The following PRDM16 variants were observed in gnomAD, a reference collection of about 807,000 sequenced individuals.
PRDM16 encodes the protein histone-lysine N-methyltransferase PRDM16.
Under a neutral mutation model 110.6 loss-of-function variants are expected in PRDM16, and 23 were observed. The observed-to-expected ratio is 0.21, with a 90% CI of 0.15 to 0.29. PRDM16 has a LOEUF of 0.29. Ranked by LOEUF, PRDM16 falls within the 10% of genes least tolerant of loss-of-function variation. PRDM16 has a pLI of 1.00. For synonymous variants in PRDM16, 799 were observed against 781.8 expected (o/e 1.02, Z -0.37); for missense variants, 1,615 against 1,794.3 (o/e 0.90, Z 1.81).
rs181778997 is a variant in PRDM16 at position 3,256,027 on chromosome 1, C to T, written c.438+11890C>T. 5.3e-5 allele frequency among the ~76,000 whole-genome samples: 8 copies of T among 152,302 alleles called. No individual in the cohort carries two copies. In the South Asian group the frequency reaches 6.2e-4, roughly 12 times the overall value. On this transcript the variant is annotated intron_variant, in intron 3 of 16. Transcript: ENST00000270722. ...GAGCAGGTATGTGGCACAGTGACAG[C>T]GCCTCACCTGGGACTGGGACTGGAG...
At position 3,436,573 on chromosome 1, in the gene PRDM16, T is replaced by C; in HGVS notation, c.*2762T>C. Reference sequence around the variant, plus strand: ...AGGCAGCACTTATTTCCTGGGCTGGTGCGCCCCAAAACACGGCCCCGACAC... The same window carrying C: ...AGGCAGCACTTATTTCCTGGGCTGGCGCGCCCCAAAACACGGCCCCGACAC... On this transcript the variant is annotated 3_prime_UTR_variant, in exon 17 of 17. Transcript: ENST00000270722. The C allele has an allele frequency of 4.3e-6, 1 of 231,872 alleles. No homozygotes were observed. The highest frequency in any genetic ancestry group is 8.5e-6 in the Non-Finnish European group (1 of 117,198). The allele number at this position is 231,872 out of a possible 1,614,324, so 14.4% of individuals were successfully genotyped here.
chr1:3,408,606 G>A (rs1182114175), intron 8 of PRDM16, among the ~76,000 whole-genome samples: 1 of 151,156 alleles, frequency 6.6e-6, no homozygotes, highest in Non-Finnish European at 1.5e-5. Context: ...GTGAGCTGGT[G>A]TGTGTGTGAG....
chr1:3,151,206 G>A (rs1178645572), intron 1 of PRDM16, among the ~76,000 whole-genome samples: 2 of 152,194 alleles, frequency 1.3e-5, no homozygotes, highest in East Asian at 3.9e-4. Flanking sequence ...GGGCATGGGG[G>A]CAGGGCCCTG....
At chr1:3,375,409 G>T (rs1207596338) in intron 3 of PRDM16, among the ~76,000 whole-genome samples, 1 of 152,238 alleles carries the variant, frequency 6.6e-6, no homozygotes, top group African/African-American at 2.4e-5. Flanking sequence ...GCAAGAACCT[G>T]GGTCTGAGTC....
At chr1:3,073,902 G>T (rs1385674994) in intron 1 of PRDM16, among the ~76,000 whole-genome samples, 1 of 152,134 alleles carries the variant, frequency 6.6e-6, no homozygotes, top group African/African-American at 2.4e-5. Flanking sequence ...CCCAACCGCC[G>T]ACCCTCGACC....
In PRDM16 at chr1:3,432,132, A is replaced by G. The variant is rs1283739573; in HGVS notation, c.3688A>G (p.Lys1230Glu). The change falls in exon 16 of 17, where the codon AAG becomes GAG. Residue 1230 changes from lysine to glutamate, a missense_variant. Coordinates refer to ENST00000270722, the MANE Select transcript of PRDM16 (RefSeq NM_022114.4). ...ALKHTLCRQA[K>E]NQAYAMMLSL... ...AAAACATACACTGTGCAGGCAGGCT[A>G]AGAACCAGGTAGGTACCCGCCAGAG... The G allele has an allele frequency of 1.2e-6, 2 of 1,613,276 alleles. No homozygotes were observed.
At position 3,143,268 on chromosome 1, in the gene PRDM16, G is replaced by A. The variant is rs1289601263; in HGVS notation, c.38-42857G>A. Reference sequence around the variant, plus strand: ...ACCCCTGGGTGTGCGGGACCGTGCCGGGAAGTGTGGACATGGGTCCGGGCT... The same window carrying A: ...ACCCCTGGGTGTGCGGGACCGTGCCAGGAAGTGTGGACATGGGTCCGGGCT... On this transcript the variant is annotated intron_variant, in intron 1 of 16. Transcript: ENST00000270722. This position sits in a 1 kb window ranked among gnomAD's most constrained non-coding sequence, Gnocchi z 4.5. Among the ~76,000 whole-genome samples, 1 of 152,072 alleles carries A rather than the reference G, an allele frequency of 6.6e-6. No individual in the cohort carries two copies. Among genetic ancestry groups the A allele is most frequent in the Non-Finnish European group, 1.5e-5 (1 of 68,032 alleles).
intron 2 of PRDM16, among the ~76,000 whole-genome samples, chr1:3,231,485 C>T (rs563708506): frequency 6.6e-6 from 1 of 152,230 alleles, no homozygotes; most frequent in Non-Finnish European, 1.5e-5. Context: ...ATGAGGGCGT[C>T]GAGGCTGCTC....
chr1:3,279,418 G>A (rs551486368), intron 3 of PRDM16, among the ~76,000 whole-genome samples: 2 of 152,354 alleles, frequency 1.3e-5, no homozygotes, highest in East Asian at 1.9e-4. Flanking sequence ...CGCTCCGGGC[G>A]AGGGACCAAG....
chr1:3,156,103 A>T (rs1643855319), intron 1 of PRDM16, among the ~76,000 whole-genome samples: 1 of 152,220 alleles, frequency 6.6e-6, no homozygotes, highest in Non-Finnish European at 1.5e-5. Context: ...AAGGAAAGAC[A>T]GAGGAGATGA....
In PRDM16 at chr1:3,339,344, C is replaced by T. The variant is rs148744121; in HGVS notation, c.439-45808C>T. Reference sequence around the variant, plus strand: ...GGGTGAGGCACAGGGTGGGCCTCCGCGCATCCGTGCCCGGAAGCAGGAACA... The same window carrying T: ...GGGTGAGGCACAGGGTGGGCCTCCGTGCATCCGTGCCCGGAAGCAGGAACA... On this transcript the variant is annotated intron_variant, in intron 3 of 16. Coordinates refer to ENST00000270722, the MANE Select transcript of PRDM16 (RefSeq NM_022114.4). This position sits in a 1 kb window ranked among gnomAD's most constrained non-coding sequence, Gnocchi z 5.0. Among the ~76,000 whole-genome samples the T allele has an allele frequency of 9.2e-5, 14 of 152,166 alleles. No individual in the cohort carries two copies. The highest frequency in any genetic ancestry group is 3.4e-3 in the Middle Eastern group (1 of 292).
At chr1:3,145,108 A>G (rs1003681213) in intron 1 of PRDM16, among the ~76,000 whole-genome samples, 16 of 152,264 alleles carry the variant, frequency 1.1e-4, no homozygotes, top group Admixed American at 3.9e-4. Context: ...GCAGGGGCTG[A>G]CCTGGCAGGT....
At chr1:3,210,878 T>C (rs966973062) in intron 2 of PRDM16, among the ~76,000 whole-genome samples, 4 of 152,236 alleles carry the variant, frequency 2.6e-5, no homozygotes, top group African/African-American at 9.6e-5. Flanking sequence ...CATATATCTA[T>C]TAGGTATTTA....
intron 2 of PRDM16, among the ~76,000 whole-genome samples, chr1:3,242,657 G>A (rs1195905912): frequency 4.6e-5 from 7 of 152,246 alleles, no homozygotes; most frequent in East Asian, 1.9e-4. Flanking sequence ...AGGGTGACCC[G>A]GAAGGCGATG....
chr1:3,417,921 C>A lies in PRDM16; in HGVS notation c.2785C>A (p.Pro929Thr), dbSNP rs371433856. ...CTCCCTGCAGCCCCTCCCCCACCAC[C>A]CCTTCAACTTCCGGTCCCCACCCCC... ...GSSLQPLPHHPFNFRSPPPTL... is the reference protein window; with the variant it reads ...GSSLQPLPHHTFNFRSPPPTL... The change falls in exon 11 of 17, where the codon CCC (proline) becomes ACC (threonine). Residue 929 changes from proline (P) to threonine (T), a missense_variant. This residue lies in a region of PRDM16 where 772 missense variants were observed against 748.3 expected (regional missense o/e 1.03). Coordinates refer to ENST00000270722, the MANE Select transcript of PRDM16 (RefSeq NM_022114.4). 4.3e-6 allele frequency: 7 copies of A among 1,612,324 alleles called. No homozygotes were observed. The highest frequency in any genetic ancestry group is 5.9e-6 in the Non-Finnish European group (7 of 1,179,030).
intron 1 of PRDM16, among the ~76,000 whole-genome samples, chr1:3,166,733 G>A (rs994614762): frequency 3.9e-5 from 6 of 152,172 alleles, no homozygotes; most frequent in African/African-American, 7.2e-5. Flanking sequence ...CTGGGGCCCG[G>A]CCCAGGTGGG....
At chr1:3,361,496 G>A (rs1229766331) in intron 3 of PRDM16, among the ~76,000 whole-genome samples, 2 of 152,352 alleles carry the variant, frequency 1.3e-5, no homozygotes, top group East Asian at 3.9e-4. Flanking sequence ...CAAAGAAAAG[G>A]GTATCTGTGG....
chr1:3,321,672 C>CGT (rs755944938), intron 3 of PRDM16, among the ~76,000 whole-genome samples: 4 of 150,196 alleles, frequency 2.7e-5, no homozygotes, highest in Admixed American at 6.7e-5. Flanking sequence ...TGTGGGTGCA[C>CGT]GTGTGTGTGT....
chr1:3,216,815 G>A lies in PRDM16; in HGVS notation c.388-27272G>A, dbSNP rs559644186. Reference sequence around the variant, plus strand: ...CTGTGGCCATCAGCATGGAACTGGAGGGGACAGGTTCCTGTAGCCAGTCAT... The same window carrying A: ...CTGTGGCCATCAGCATGGAACTGGAAGGGACAGGTTCCTGTAGCCAGTCAT... On this transcript the variant is annotated intron_variant, in intron 2 of 16. Transcript: ENST00000270722. Among the ~76,000 whole-genome samples, 167 of 152,344 alleles carry A rather than the reference G, an allele frequency of 1.1e-3. 2 individuals carry two copies. The highest frequency in any genetic ancestry group is 2.0e-3 in the Non-Finnish European group (134 of 68,028).
Sources: gnomAD v4.1 joint callset for allele counts (sites outside exome capture counted in the v4.1 genomes callset) on GRCh38, gnomAD v4.1.1 for gene constraint, gnomAD v4.1.1 regional missense constraint, Gnocchi (gnomAD v3.1) non-coding constraint, MANE v1.5 for transcripts, NCBI Gene and HGNC (gene_info 2026-07-23, HGNC 2026-07-21) for gene names.